The following SOX5 variants were observed in gnomAD, a reference collection of about 807,000 sequenced individuals.
SOX5 encodes the protein SRY-box transcription factor 5.
In SOX5, 9 loss-of-function variants were observed where a neutral mutation model predicts 92.0. The ratio of observed to expected loss-of-function variants is 0.10; its 90% CI spans 0.06 to 0.17. The LOEUF is 0.17. SOX5 is among the 10% of genes least tolerant of loss of function. SOX5 has a pLI of 1.00. For missense variants in SOX5, 642 were observed against 944.5 expected (o/e 0.68, Z 4.20); for synonymous variants, 344 against 336.3 (o/e 1.02, Z -0.25).
At chr12:24,059,671 T>C (rs1252537149) in intron 4 of SOX5, among the ~76,000 whole-genome samples, 2 of 152,114 alleles carry the variant, frequency 1.3e-5, no homozygotes, top group Non-Finnish European at 2.9e-5. Flanking sequence ...CAAACCTGGA[T>C]TCACTCCAAG....
At chr12:24,189,435 CAA>C (rs1956313800) in intron 4 of SOX5, among the ~76,000 whole-genome samples, 1 of 152,174 alleles carries the variant, frequency 6.6e-6, no homozygotes, top group African/African-American at 2.4e-5. Flanking sequence ...TAGGTGATTT[CAA>C]ATATCAACTC....
chr12:23,708,868 A>T (rs2091742248), intron 6 of SOX5, among the ~76,000 whole-genome samples: 1 of 152,152 alleles, frequency 6.6e-6, no homozygotes, highest in South Asian at 2.1e-4. Flanking sequence ...CAAGATTAGG[A>T]CTTCCTCATA....
intron 3 of SOX5, among the ~76,000 whole-genome samples, chr12:23,836,678 C>T (rs190206098): frequency 1.3e-4 from 19 of 151,980 alleles, no homozygotes; most frequent in African/African-American, 4.1e-4. Flanking sequence ...AATCTGTGTT[C>T]CCCACCTCCA....
chr12:24,492,213 G>A (rs961986510), intron 1 of SOX5, among the ~76,000 whole-genome samples: 2 of 152,124 alleles, frequency 1.3e-5, no homozygotes, highest in African/African-American at 4.8e-5. Context: ...AAGTTCAAGG[G>A]TAGTACCAAC....
intron 2 of SOX5, among the ~76,000 whole-genome samples, chr12:23,890,731 T>A (rs764212297): frequency 2.6e-5 from 4 of 151,736 alleles, no homozygotes; most frequent in Non-Finnish European, 5.9e-5. Flanking sequence ...GTATCCAAAC[T>A]ATTATTAACA....
At chr12:23,591,520 G>A (rs1951552508) in intron 9 of SOX5, among the ~76,000 whole-genome samples, 1 of 152,040 alleles carries the variant, frequency 6.6e-6, no homozygotes, top group Non-Finnish European at 1.5e-5. Flanking sequence ...AATGCTAATA[G>A]AAAAAGATAA....
At chr12:23,979,714 T>C (rs1290989064) in intron 4 of SOX5, among the ~76,000 whole-genome samples, 1 of 109,198 alleles carries the variant, frequency 9.2e-6, no homozygotes, top group African/African-American at 3.6e-5. Context: ...TTTGTTTTTT[T>C]TTTTTTTTTT....
chr12:23,913,300 A>AT (rs2097371864), intron 1 of SOX5, among the ~76,000 whole-genome samples: 1 of 150,580 alleles, frequency 6.6e-6, no homozygotes, highest in Non-Finnish European at 1.5e-5. Flanking sequence ...ACAAGCTTTT[A>AT]TTGAACATTG....
intron 4 of SOX5, among the ~76,000 whole-genome samples, chr12:23,975,542 T>C (rs2140191619): frequency 6.6e-6 from 1 of 152,260 alleles, no homozygotes; most frequent in South Asian, 2.1e-4. Flanking sequence ...CCAGAAGCTC[T>C]GGAACGCTCT....
At chr12:23,726,137 GAGAGAGAGAGAGAGAGAGAGAGAGAGAGA>G (rs1309368199) in intron 6 of SOX5, among the ~76,000 whole-genome samples, 1 of 19,470 alleles carries the variant, frequency 5.1e-5, no homozygotes, top group Non-Finnish European at 1.3e-4. Flanking sequence ...GAGAGAGAGA[GAGAGAGAGAGAGAGAGAGAGAGAGAGAGA>G]GAGAGAGAGG....
chr12:24,129,678 G>A, intron 4 of SOX5, among the ~76,000 whole-genome samples: 1 of 152,300 alleles, frequency 6.6e-6, no homozygotes, highest in Non-Finnish European at 1.5e-5. Flanking sequence ...GAGTCAACCA[G>A]AAGAATACAA....
At chr12:23,978,206 T>A (rs1316465343) in intron 4 of SOX5, among the ~76,000 whole-genome samples, 1 of 152,222 alleles carries the variant, frequency 6.6e-6, no homozygotes, top group Non-Finnish European at 1.5e-5. Context: ...TGACTCAGGA[T>A]ATTTTCAATG....
intron 3 of SOX5, among the ~76,000 whole-genome samples, chr12:23,790,180 T>G (rs2095446182): frequency 6.6e-6 from 1 of 152,030 alleles, no homozygotes; most frequent in African/African-American, 2.4e-5. Flanking sequence ...AGAACAACAT[T>G]TGCTTTAATT....
chr12:24,166,821 T>C (rs1953468517), intron 4 of SOX5, among the ~76,000 whole-genome samples: 1 of 152,184 alleles, frequency 6.6e-6, no homozygotes, highest in South Asian at 2.1e-4. Context: ...TGATTTCTAC[T>C]TTTTTGCTAC....
At chr12:24,500,834 A>G (rs906830048) in intron 1 of SOX5, among the ~76,000 whole-genome samples, 1 of 152,364 alleles carries the variant, frequency 6.6e-6, no homozygotes, top group East Asian at 1.9e-4. Context: ...CATGCCCTGT[A>G]TAAAAAGGAA....
chr12:24,309,485 G>T (rs1948959423), intron 2 of SOX5, among the ~76,000 whole-genome samples: 1 of 151,856 alleles, frequency 6.6e-6, no homozygotes, highest in Admixed American at 6.6e-5. Context: ...ATCAAAACTA[G>T]TTACGCTCTT....
chr12:24,218,892 C>G (rs1959708307), intron 3 of SOX5, among the ~76,000 whole-genome samples: 4 of 152,062 alleles, frequency 2.6e-5, no homozygotes, highest in Admixed American at 6.5e-5. Context: ...ATTAGTCTTT[C>G]AACAGTACTC....
At chr12:24,536,017 C>T (rs1472813655) in intron 1 of SOX5, among the ~76,000 whole-genome samples, 1 of 152,124 alleles carries the variant, frequency 6.6e-6, no homozygotes. Context: ...TGATTCAAAC[C>T]TAAATTAGGC....
chr12:23,960,141 G>A (rs1379506007), intron 4 of SOX5, among the ~76,000 whole-genome samples: 1 of 152,036 alleles, frequency 6.6e-6, no homozygotes, highest in Non-Finnish European at 1.5e-5. Flanking sequence ...GAGAGAAACG[G>A]ACCCCAGCCA....
Sources: allele counts gnomAD v4.1 joint callset (sites outside exome capture counted in the v4.1 genomes callset), GRCh38; gene constraint gnomAD v4.1.1; transcripts MANE v1.5; gene names NCBI Gene and HGNC (gene_info 2026-07-23, HGNC 2026-07-21).